The following NTRK2 variants were observed in gnomAD, a reference collection of about 807,000 sequenced individuals.
The protein encoded by NTRK2 is neurotrophic receptor tyrosine kinase 2.
NTRK2 carries 13 observed loss-of-function variants against 94.5 expected under a neutral mutation model. The observed-to-expected ratio is 0.14, with a 90% CI of 0.09 to 0.22. NTRK2 has a LOEUF of 0.22. NTRK2 is among the 10% of genes least tolerant of loss of function. The probability of loss-of-function intolerance (pLI) is 1.00; values close to 1 mark genes in which losing one functional copy is unlikely to be tolerated. For missense variants in NTRK2, 639 were observed against 1,071.2 expected, an observed-to-expected ratio of 0.60 and a Z score of 5.63; for synonymous variants, 372 against 407.4, an observed-to-expected ratio of 0.91 and a Z score of 1.05.
intron 12 of NTRK2, among the ~76,000 whole-genome samples, chr9:84,798,644 T>A (rs1169523116): frequency 6.6e-6 from 1 of 152,176 alleles, no homozygotes. Flanking sequence ...TTCACAAAAG[T>A]TCCCGGATAC....
At chr9:84,923,567 C>T (rs2077638520) in intron 14 of NTRK2, among the ~76,000 whole-genome samples, 1 of 152,140 alleles carries the variant, frequency 6.6e-6, no homozygotes, top group Non-Finnish European at 1.5e-5. Flanking sequence ...ACCATGGGAA[C>T]ATTCTTTCAG....
intron 14 of NTRK2, among the ~76,000 whole-genome samples, chr9:84,901,715 A>G (rs1168923010): frequency 6.6e-6 from 1 of 152,112 alleles, no homozygotes; most frequent in East Asian, 1.9e-4. Context: ...TGGTGGTGCT[A>G]AGAGTGAGCT....
chr9:85,025,630 C>G lies in NTRK2; in HGVS notation c.*4193C>G, dbSNP rs910774710. The G allele has an allele frequency of 4.3e-6, 1 of 233,110 alleles. No individual in the cohort carries two copies. The highest frequency in any genetic ancestry group is 2.2e-5 in the African/African-American group (1 of 45,362). The allele number at this position is 233,110 out of a possible 1,614,324, so 14.4% of individuals were successfully genotyped here. A position where few individuals can be genotyped will look rare whatever the true frequency, so the allele number is the denominator to read the frequency against. Reference sequence around the variant, plus strand: ...ATACCAATAACATTGTTGTATCTAACTAAATAAATGACTGCATATACACAC... The same window carrying G: ...ATACCAATAACATTGTTGTATCTAAGTAAATAAATGACTGCATATACACAC... On this transcript the variant is annotated 3_prime_UTR_variant, in exon 19 of 19. Coordinates refer to ENST00000277120, the MANE Select transcript of NTRK2 (RefSeq NM_006180.6).
In NTRK2 at chr9:85,025,002, A is replaced by G. The variant is rs908572979; in HGVS notation, c.*3565A>G. ...TATAAATTTATAGGCACACAATAATAGAGGTAATTATAAGTAGGATGCGGT... is the reference window on the plus strand; with the variant it reads ...TATAAATTTATAGGCACACAATAATGGAGGTAATTATAAGTAGGATGCGGT... On this transcript the variant is annotated 3_prime_UTR_variant, in exon 19 of 19. Transcript: ENST00000277120. 4.3e-6 allele frequency: 1 copy of G among 233,146 alleles called. No homozygotes were observed. Among genetic ancestry groups the G allele is most frequent in the African/African-American group, 2.2e-5 (1 of 45,478 alleles). 14.4% of individuals were successfully genotyped at this position (233,146 alleles called of 1,614,324 possible). A position where few individuals can be genotyped will look rare whatever the true frequency, so the allele number is the denominator to read the frequency against.
chr9:84,831,549 C>T (rs1048154649), intron 12 of NTRK2, among the ~76,000 whole-genome samples: 25 of 152,174 alleles, frequency 1.6e-4, no homozygotes, highest in African/African-American at 5.3e-4. Context: ...AAGTGTTTTC[C>T]ATATGCCAAC....
At chr9:84,874,678 T>C in intron 14 of NTRK2, 4 of 1,062,272 alleles carry the variant, frequency 3.8e-6, no homozygotes, top group Non-Finnish European at 4.6e-6. Flanking sequence ...TAAAGGAATC[T>C]CTCTCCTTGG....
In NTRK2 at chr9:84,684,732, C is replaced by T. The variant is rs934512899; in HGVS notation, c.212+13772C>T. Among the ~76,000 whole-genome samples, 13 of 152,066 alleles carry T rather than the reference C, an allele frequency of 8.5e-5. No individual in the cohort carries two copies. In the East Asian group the frequency reaches 1.7e-3, roughly 20 times the overall value. ...ATAGTACCTCAATTGCTGTATTTTG[C>T]GATTATGTAATTATGATTCAGATTG... On this transcript the variant is annotated intron_variant, in intron 2 of 18. Coordinates refer to ENST00000277120, the MANE Select transcript of NTRK2 (RefSeq NM_006180.6).
intron 12 of NTRK2, among the ~76,000 whole-genome samples, chr9:84,816,605 C>T (rs1463523944): frequency 6.6e-6 from 1 of 151,614 alleles, no homozygotes; most frequent in African/African-American, 2.4e-5. Context: ...GTGGTGAAAC[C>T]CTGTCTCTAC....
intron 12 of NTRK2, among the ~76,000 whole-genome samples, chr9:84,817,255 T>C (rs550680530): frequency 1.8e-4 from 28 of 152,330 alleles, no homozygotes; most frequent in Admixed American, 1.2e-3. Flanking sequence ...CTTGGTCATA[T>C]GCAGATTGTG....
intron 12 of NTRK2, among the ~76,000 whole-genome samples, chr9:84,787,335 C>G (rs2068229205): frequency 6.6e-6 from 1 of 151,970 alleles, no homozygotes. Flanking sequence ...AACAAACAAA[C>G]AAACAAAAAA....
intron 12 of NTRK2, among the ~76,000 whole-genome samples, chr9:84,845,220 C>T (rs1022342452): frequency 1.3e-5 from 2 of 150,638 alleles, no homozygotes; most frequent in East Asian, 2.0e-4. Context: ...GCCCATTGAC[C>T]AATGAGTGGA....
intron 12 of NTRK2, among the ~76,000 whole-genome samples, chr9:84,841,852 G>T (rs2074204649): frequency 6.6e-6 from 1 of 152,294 alleles, no homozygotes; most frequent in East Asian, 1.9e-4. Context: ...ACAGTTCATT[G>T]TAATAAATAT....
At chr9:84,804,920 G>A (rs1358314537) in intron 12 of NTRK2, among the ~76,000 whole-genome samples, 1 of 152,222 alleles carries the variant, frequency 6.6e-6, no homozygotes, top group African/African-American at 2.4e-5. Flanking sequence ...TGTGGTAGTA[G>A]TAAAGCCTTT....
intron 12 of NTRK2, among the ~76,000 whole-genome samples, chr9:84,798,077 C>T (rs2069842307): frequency 6.6e-6 from 1 of 150,890 alleles, no homozygotes; most frequent in African/African-American, 2.4e-5. Flanking sequence ...TTTTCACAGT[C>T]CTGGAGGCTG....
intron 12 of NTRK2, among the ~76,000 whole-genome samples, chr9:84,759,466 A>G (rs1431498627): frequency 1.3e-5 from 2 of 152,214 alleles, no homozygotes; most frequent in Admixed American, 6.5e-5. Flanking sequence ...AATTCCCACA[A>G]CCGCAGCATG....
intron 12 of NTRK2, chr9:84,812,738 T>G: frequency 9.6e-7 from 1 of 1,040,498 alleles, no homozygotes; most frequent in Non-Finnish European, 1.2e-6. Context: ...TTAAGAACTA[T>G]TTTAAAGTGT....
intron 17 of NTRK2, among the ~76,000 whole-genome samples, chr9:84,980,846 T>A (rs1330645171): frequency 6.6e-6 from 1 of 152,168 alleles, no homozygotes; most frequent in Non-Finnish European, 1.5e-5. Context: ...TAGGAGTAAA[T>A]GCATAAACTG....
chr9:84,707,352 A>T (rs948520029), intron 4 of NTRK2, among the ~76,000 whole-genome samples: 1 of 152,088 alleles, frequency 6.6e-6, no homozygotes, highest in Non-Finnish European at 1.5e-5. Context: ...AGTTTTTTTT[A>T]TCAATAAAAT....
At chr9:84,680,894 CT>C (rs1288157883) in intron 2 of NTRK2, among the ~76,000 whole-genome samples, 4 of 152,184 alleles carry the variant, frequency 2.6e-5, no homozygotes, top group Non-Finnish European at 4.4e-5. Context: ...TCACTCCCTC[CT>C]TCTTGAAACA....
Sources: allele counts gnomAD v4.1 joint callset (sites outside exome capture counted in the v4.1 genomes callset), GRCh38; gene constraint gnomAD v4.1.1; transcripts MANE v1.5; gene names NCBI Gene and HGNC (gene_info 2026-07-23, HGNC 2026-07-21).